The following WDPCP variants were observed in gnomAD, a reference collection of about 807,000 sequenced individuals.
WDPCP encodes the protein WD repeat-containing and planar cell polarity effector protein fritz homolog.
A neutral mutation model predicts 93.1 loss-of-function variants in WDPCP; 71 were observed. That is an observed-to-expected ratio of 0.76 (90% CI 0.63 to 0.93). The LOEUF is 0.93. WDPCP is among the 40% of genes least tolerant of loss of function. The pLI, the probability that WDPCP is intolerant of heterozygous loss-of-function variation, is 0.00. For missense variants in WDPCP, 844 were observed against 887.4 expected (o/e 0.95, Z 0.62); for synonymous variants, 315 against 315.0 (o/e 1.00, Z 0.00).
intron 2 of WDPCP, among the ~76,000 whole-genome samples, chr2:63,789,103 G>T (rs1043780955): frequency 6.6e-6 from 1 of 152,004 alleles, no homozygotes; most frequent in Admixed American, 6.6e-5. Flanking sequence ...CATAATTATT[G>T]TTATATGAAA....
At chr2:63,625,187 TAA>T (rs1213934738) in intron 3 of WDPCP, among the ~76,000 whole-genome samples, 1 of 152,136 alleles carries the variant, frequency 6.6e-6, no homozygotes, top group Non-Finnish European at 1.5e-5. Context: ...CTCAAAATAA[TAA>T]GAGCTATTTA....
chr2:63,357,876 A>G (rs1690139358), intron 12 of WDPCP, among the ~76,000 whole-genome samples: 2 of 152,194 alleles, frequency 1.3e-5, no homozygotes, highest in Non-Finnish European at 2.9e-5. Context: ...TCAGTTACAG[A>G]CTGGATAAAG....
At chr2:63,703,876 T>C (rs1176720016) in intron 2 of WDPCP, among the ~76,000 whole-genome samples, 7 of 152,176 alleles carry the variant, frequency 4.6e-5, no homozygotes, top group Non-Finnish European at 5.9e-5. Context: ...ATTGAATCTA[T>C]AAATTACCTT....
At chr2:63,463,355 G>C (rs1413737408) in intron 6 of WDPCP, among the ~76,000 whole-genome samples, 2 of 152,128 alleles carry the variant, frequency 1.3e-5, no homozygotes, top group African/African-American at 4.8e-5. Context: ...GAAGGAAATG[G>C]AGACTCTAAA....
chr2:63,581,832 C>G (rs1196413931), intron 1 of WDPCP, among the ~76,000 whole-genome samples: 1 of 151,728 alleles, frequency 6.6e-6, no homozygotes, highest in African/African-American at 2.4e-5. Flanking sequence ...CATGGCAAAA[C>G]CCTGTATCTG....
At chr2:63,744,702 T>C (rs1230278865) in intron 2 of WDPCP, among the ~76,000 whole-genome samples, 1 of 152,112 alleles carries the variant, frequency 6.6e-6, no homozygotes, top group Non-Finnish European at 1.5e-5. Flanking sequence ...TTTTTTCCCC[T>C]TTGAGAAGTC....
intron 6 of WDPCP, among the ~76,000 whole-genome samples, chr2:63,479,425 C>A (rs976432665): frequency 2.0e-5 from 3 of 151,984 alleles, no homozygotes; most frequent in South Asian, 2.1e-4. Flanking sequence ...AATATAGATG[C>A]AAAAATCCTT....
intron 13 of WDPCP, among the ~76,000 whole-genome samples, chr2:63,294,378 C>A (rs1684681045): frequency 6.6e-6 from 1 of 152,000 alleles, no homozygotes; most frequent in Non-Finnish European, 1.5e-5. Flanking sequence ...GGCATCTTGG[C>A]AAGCCCCTGT....
chr2:63,297,074 C>A (rs1157468794), intron 13 of WDPCP, among the ~76,000 whole-genome samples: 2 of 152,138 alleles, frequency 1.3e-5, no homozygotes, highest in Non-Finnish European at 2.9e-5. Context: ...AAGGATGGCA[C>A]CATGTCTGAG....
intron 10 of WDPCP, among the ~76,000 whole-genome samples, chr2:63,393,787 A>G (rs1294479657): frequency 6.6e-6 from 1 of 152,034 alleles, no homozygotes; most frequent in Non-Finnish European, 1.5e-5. Flanking sequence ...CTACAACCAT[A>G]TGATCTTGAC....
intron 1 of WDPCP, among the ~76,000 whole-genome samples, chr2:63,537,682 G>A (rs1704399734): frequency 1.3e-5 from 2 of 152,090 alleles, no homozygotes; most frequent in Admixed American, 1.3e-4. Flanking sequence ...CACACGCTAG[G>A]CCTCAGATTA....
chr2:63,752,224 A>C (rs1425276573), intron 2 of WDPCP: 2 of 716,392 alleles, frequency 2.8e-6, no homozygotes, highest in African/African-American at 1.7e-5. Context: ...TGCCTCAATC[A>C]GTCATAATTT....
At chr2:63,446,255 A>C (rs1189851952) in intron 6 of WDPCP, among the ~76,000 whole-genome samples, 1 of 152,114 alleles carries the variant, frequency 6.6e-6, no homozygotes, top group Admixed American at 6.6e-5. Flanking sequence ...GTAAGCGGTG[A>C]GTGGGCAAGC....
Position 63,801,497 on chromosome 2 carries a change from C to T in WDPCP, n.308+12125G>A, listed in dbSNP as rs558899025. On this transcript the variant is annotated intron_variant and non_coding_transcript_variant, in intron 2 of 4. Transcript: ENST00000467687. ...CCCACAGCATGGAAGGTGGACCCAG[C>T]GGGTTCCTGCTGTTGGCTGGGGTGG... Among the ~76,000 whole-genome samples, 35 of 152,264 alleles carry T rather than the reference C, an allele frequency of 2.3e-4. No individual in the cohort carries two copies. The South Asian group carries it at 4.8e-3, about 21-fold the overall frequency.
chr2:63,498,813 T>C (rs1701377690), intron 1 of WDPCP, among the ~76,000 whole-genome samples: 1 of 152,104 alleles, frequency 6.6e-6, no homozygotes, highest in Admixed American at 6.6e-5. Context: ...ATAGAAGACA[T>C]TGCTGTAGTT....
intron 13 of WDPCP, among the ~76,000 whole-genome samples, chr2:63,303,827 T>TA (rs1685513818): frequency 6.6e-6 from 1 of 152,102 alleles, no homozygotes; most frequent in African/African-American, 2.4e-5. Flanking sequence ...GCAAAAGAGA[T>TA]AGACATTTCT....
intron 17 of WDPCP, among the ~76,000 whole-genome samples, chr2:63,142,941 C>G (rs144758551): frequency 0.012 from 1,814 of 151,814 alleles, 34 homozygotes; most frequent in African/African-American, 0.042. Context: ...CACACACACA[C>G]ACACACACAC....
At chr2:63,431,209 G>A (rs1036142151) in intron 9 of WDPCP, among the ~76,000 whole-genome samples, 4 of 151,796 alleles carry the variant, frequency 2.6e-5, no homozygotes, top group Admixed American at 6.6e-5. Context: ...GGATGCCCAC[G>A]AAAATCGCCT....
chr2:63,825,902 C>T (rs1671106209), intron 1 of WDPCP, among the ~76,000 whole-genome samples: 1 of 152,062 alleles, frequency 6.6e-6, no homozygotes, highest in South Asian at 2.1e-4. Context: ...TGTGAACAGT[C>T]CTTATGATTT....
Sources: gnomAD v4.1 joint callset for allele counts (sites outside exome capture counted in the v4.1 genomes callset) on GRCh38, gnomAD v4.1.1 for gene constraint, MANE v1.5 for transcripts, NCBI Gene and HGNC (gene_info 2026-07-23, HGNC 2026-07-21) for gene names.